The following ADGRG6 variants were observed in gnomAD, a reference collection of about 807,000 sequenced individuals.
The protein encoded by ADGRG6 is G-protein coupled receptor 126.
ADGRG6 carries 84 observed loss-of-function variants against 142.4 expected under a neutral mutation model. That is an observed-to-expected ratio of 0.59 (90% CI 0.49 to 0.71). The LOEUF (loss-of-function observed/expected upper bound fraction) is 0.71. Among genes scored for constraint, ADGRG6 ranks in the 30% least tolerant of loss-of-function variants. The probability of loss-of-function intolerance (pLI) is 0.00; values close to 1 mark genes in which losing one functional copy is unlikely to be tolerated. For synonymous variants in ADGRG6, 521 were observed against 520.5 expected, an observed-to-expected ratio of 1.00 and a Z score of -0.01; for missense variants, 1,367 against 1,466.6, an observed-to-expected ratio of 0.93 and a Z score of 1.11.
At chr6:142,387,165 C>G (rs1019507118) in intron 6 of ADGRG6, among the ~76,000 whole-genome samples, 1 of 152,110 alleles carries the variant, frequency 6.6e-6, no homozygotes, top group African/African-American at 2.4e-5. Context: ...AAATAATGAT[C>G]TTTTTTATGT....
At chr6:142,430,575 G>T (rs1777162282) in intron 22 of ADGRG6, among the ~76,000 whole-genome samples, 1 of 152,182 alleles carries the variant, frequency 6.6e-6, no homozygotes, top group South Asian at 2.1e-4. Context: ...TGAGTTCTAT[G>T]TGGGAGCCAA....
In ADGRG6 at chr6:142,437,416, T is replaced by C; in HGVS notation, c.3320-18T>C. The C allele has an allele frequency of 8.7e-7, 1 of 1,154,284 alleles. No individual in the cohort carries two copies. The highest frequency in any genetic ancestry group is 1.3e-6 in the Non-Finnish European group (1 of 769,980). The allele number at this position is 1,154,284 out of a possible 1,614,324, so 71.5% of individuals were successfully genotyped here. A position where few individuals can be genotyped will look rare whatever the true frequency, so the allele number is the denominator to read the frequency against. On this transcript the variant is annotated intron_variant, in intron 22 of 24. Transcript: ENST00000367609. ...ATGTGTCAGTTGGCTTAAATATTTA[T>C]ATTTTCTTTTGTCACAGGCTTATTT...
In ADGRG6 at chr6:142,415,856, C is replaced by T; in HGVS notation, c.2730C>T (p.Phe910=). 2 of 1,612,112 alleles carry T rather than the reference C, an allele frequency of 1.2e-6. No individual in the cohort carries two copies. The highest frequency in any genetic ancestry group is 1.7e-6 in the Non-Finnish European group (2 of 1,178,384). ...ILMNLSTALL[F]LNLLFLLDGW... is the part of the protein sequence containing the mutation. The stretch of plus-strand genomic sequence containing the variant: ...TGAACCTGAGCACAGCCCTGCTGTT[C>T]CTGAATCTCCTCTTCCTCCTAGATG... Residue 910 remains phenylalanine, a synonymous_variant, in exon 20 of 25, where the codon TTC becomes TTT. Coordinates refer to ENST00000367609, the MANE Select transcript of ADGRG6 (RefSeq NM_198569.3).
intron 3 of ADGRG6, among the ~76,000 whole-genome samples, chr6:142,369,432 C>T (rs1264786859): frequency 6.6e-6 from 1 of 152,098 alleles, no homozygotes; most frequent in African/African-American, 2.4e-5. Flanking sequence ...GCCCATTTTA[C>T]AGATAAGACA....
intron 10 of ADGRG6, among the ~76,000 whole-genome samples, chr6:142,398,613 C>A (rs1219728028): frequency 6.6e-6 from 1 of 152,168 alleles, no homozygotes; most frequent in African/African-American, 2.4e-5. Context: ...CACAAAGAGG[C>A]TGTGCTGCTT....
chr6:142,389,787 A>C (rs542333720), intron 6 of ADGRG6, among the ~76,000 whole-genome samples: 1 of 151,968 alleles, frequency 6.6e-6, no homozygotes, highest in South Asian at 2.1e-4. Context: ...GAGAGGAATT[A>C]GGGTAGTAAG....
In ADGRG6 at chr6:142,302,119, A is replaced by G. The variant is rs1182136961; in HGVS notation, c.-211A>G. 7.3e-6 allele frequency: 4 copies of G among 546,588 alleles called. No individual in the cohort carries two copies. Among genetic ancestry groups the G allele is most frequent in the Non-Finnish European group, 9.6e-6 (3 of 311,396 alleles). 33.9% of individuals were successfully genotyped at this position (546,588 alleles called of 1,614,324 possible). A position where few individuals can be genotyped will look rare whatever the true frequency, so the allele number is the denominator to read the frequency against. The stretch of plus-strand genomic sequence containing the variant: ...GCCGCCAGCCTGCTTCCTCGTCCGC[A>G]GGCCCTGCGCTGAACGCTGCCGCGC... On this transcript the variant is annotated 5_prime_UTR_variant, in exon 1 of 25. Transcript: ENST00000367609.
chr6:142,405,880 G>T, intron 15 of ADGRG6, 52 bp downstream of exon 15: 2 of 1,361,568 alleles, frequency 1.5e-6, no homozygotes. Flanking sequence ...AAGTTTCTTT[G>T]AGCAAAGAAA....
At chr6:142,416,093 G>A (rs1203339651) in intron 20 of ADGRG6, 29 bp downstream of exon 20, 1 of 1,554,500 alleles carries the variant, frequency 6.4e-7, no homozygotes, top group East Asian at 2.3e-5. Flanking sequence ...TTTTGGTTTT[G>A]TTTTTCCCTC....
intron 6 of ADGRG6, among the ~76,000 whole-genome samples, chr6:142,387,384 AGT>A (rs1782083948): frequency 6.6e-6 from 1 of 152,188 alleles, no homozygotes; most frequent in Non-Finnish European, 1.5e-5. Context: ...CACTGCTTCC[AGT>A]TTCTCACATA....
intron 1 of ADGRG6, among the ~76,000 whole-genome samples, chr6:142,308,748 G>C (rs1184347857): frequency 6.7e-6 from 1 of 150,028 alleles, no homozygotes; most frequent in Middle Eastern, 3.4e-3. Flanking sequence ...TTCCTTCTTT[G>C]CTGGTTTGCC....
In ADGRG6 at chr6:142,302,033, C is replaced by A. The variant is rs1211898318; in HGVS notation, c.-297C>A. The A allele has an allele frequency of 4.0e-6, 2 of 503,136 alleles. No individual in the cohort carries two copies. The highest frequency in any genetic ancestry group is 7.0e-6 in the Non-Finnish European group (2 of 287,676). 31.2% of individuals were successfully genotyped at this position (503,136 alleles called of 1,614,324 possible). ...CGGTCTCCTCAGCACCAGCCCCACGCACACCCTACTTCCTCAGCTTCTCGC... is the reference window on the plus strand; with the variant it reads ...CGGTCTCCTCAGCACCAGCCCCACGAACACCCTACTTCCTCAGCTTCTCGC... On this transcript the variant is annotated 5_prime_UTR_variant, in exon 1 of 25. Coordinates refer to ENST00000367609, the MANE Select transcript of ADGRG6 (RefSeq NM_198569.3).
rs372239867 is a variant in ADGRG6 at position 142,443,558 on chromosome 6, T to C, written c.*43T>C. 59 of 1,431,498 alleles carry C rather than the reference T, an allele frequency of 4.1e-5. No individual in the cohort carries two copies. Among genetic ancestry groups the C allele is most frequent in the Non-Finnish European group, 5.2e-5 (53 of 1,028,436 alleles). The allele number at this position is 1,431,498 out of a possible 1,614,324, so 88.7% of individuals were successfully genotyped here. ...AATCAATCTGCAGAAATGTGAAGAT[T>C]TGCAAGCAGTGTAAACTGCAACTAG... is the stretch of plus-strand genomic sequence containing the variant. On this transcript the variant is annotated 3_prime_UTR_variant, in exon 25 of 25. Transcript: ENST00000367609.
chr6:142,326,647 T>G (rs1343143672), intron 2 of ADGRG6, among the ~76,000 whole-genome samples: 1 of 152,054 alleles, frequency 6.6e-6, no homozygotes, highest in Non-Finnish European at 1.5e-5. Flanking sequence ...AAATTAATGG[T>G]GTGAGAACAA....
At chr6:142,405,233 C>T in intron 14 of ADGRG6, 1 of 402,388 alleles carries the variant, frequency 2.5e-6, no homozygotes, top group Non-Finnish European at 4.9e-6. Context: ...GCTATGGTTT[C>T]AGGAAAAATG....
chr6:142,346,193 C>G (rs1199801238), intron 2 of ADGRG6, among the ~76,000 whole-genome samples: 1 of 152,088 alleles, frequency 6.6e-6, no homozygotes, highest in African/African-American at 2.4e-5. Flanking sequence ...GACTTTGAAC[C>G]CACTGTAAGA....
intron 24 of ADGRG6, among the ~76,000 whole-genome samples, chr6:142,439,403 C>G (rs749579104): frequency 4.6e-5 from 7 of 152,110 alleles, no homozygotes; most frequent in Non-Finnish European, 8.8e-5. Context: ...AAGATTAATA[C>G]TTGGCTTTTT....
In ADGRG6 at chr6:142,394,043, T is replaced by C. The variant is rs114043704; in HGVS notation, c.1424+85T>C. 1,730 of 895,842 alleles carry C rather than the reference T, an allele frequency of 1.9e-3. 22 individuals are homozygous for C. In the African/African-American group the frequency reaches 0.026, roughly 13 times the overall value. The allele number at this position is 895,842 out of a possible 1,614,324, so 55.5% of individuals were successfully genotyped here. ...TGGTAGAGAAATGAAAACAATTAGA[T>C]AGGAAAGAAAAACTTAATCACATAG... On this transcript the variant is annotated intron_variant, in intron 9 of 24. Transcript: ENST00000367609.
intron 1 of ADGRG6, among the ~76,000 whole-genome samples, chr6:142,308,287 G>C (rs9496331): frequency 6.6e-6 from 1 of 151,904 alleles, no homozygotes. Flanking sequence ...GGCACAAGGC[G>C]ATCAAGCAAT....
Sources: allele counts gnomAD v4.1 joint callset (sites outside exome capture counted in the v4.1 genomes callset), GRCh38; gene constraint gnomAD v4.1.1; transcripts MANE v1.5; gene names NCBI Gene and HGNC (gene_info 2026-07-23, HGNC 2026-07-21).